Variants in IL23A observed in about 807,000 individuals in gnomAD.
IL23A encodes the protein interleukin 23 subunit alpha.
A neutral mutation model predicts 20.7 loss-of-function variants in IL23A; 16 were observed. That is an observed-to-expected ratio of 0.77 (90% CI 0.52 to 1.17). The LOEUF is 1.17. Among genes scored for constraint, IL23A ranks in the 50% most tolerant of loss-of-function variants. IL23A has a pLI of 0.00. For synonymous variants in IL23A, 80 were observed against 88.7 expected (o/e 0.90, Z 0.55); for missense variants, 175 against 229.5 (o/e 0.76, Z 1.53).
Position 56,339,175 on chromosome 12 carries a change from C to G in IL23A, c.131C>G (p.Ala44Gly). The change falls in exon 1 of 4, where the codon GCC becomes GGC. Residue 44 changes from alanine to glycine, a missense_variant. By Grantham distance (60) the Ala-to-Gly change is moderately conservative (BLOSUM62 0). Transcript: ENST00000228534. ...QQLSQKLCTLAWSAHPLVGHM... is the reference protein window; with the variant it reads ...QQLSQKLCTLGWSAHPLVGHM... ...CTTTCACAGAAGCTCTGCACACTGG[C>G]CTGGAGTGCACATCCACTAGTGGGA... 6.4e-7 allele frequency: 1 copy of G among 1,557,544 alleles called. No individual in the cohort carries two copies. The highest frequency in any genetic ancestry group is 8.7e-7 in the Non-Finnish European group (1 of 1,151,382).
Position 56,340,178 on chromosome 12 carries a change from C to G in IL23A, c.*74C>G, listed in dbSNP as rs1028276346. The G allele has an allele frequency of 9.4e-6, 14 of 1,488,786 alleles. No individual in the cohort carries two copies. The African/African-American group carries it at 2.0e-4, about 21-fold the overall frequency. 92.2% of individuals were successfully genotyped at this position (1,488,786 alleles called of 1,614,324 possible). A position where few individuals can be genotyped will look rare whatever the true frequency, so the allele number is the denominator to read the frequency against. ...CAAGATAAATCTACCACCCCAGGCA[C>G]CTGTGAGCCAACAGGTTAATTAGTC... On this transcript the variant is annotated 3_prime_UTR_variant, in exon 4 of 4. Transcript: ENST00000228534.
rs1592457524 is a variant in IL23A, at chr12:56,340,222, C to T, written c.*118C>T. 2.0e-6 allele frequency: 2 copies of T among 1,003,806 alleles called. No individual in the cohort carries two copies. Among genetic ancestry groups the T allele is most frequent in the Non-Finnish European group, 1.5e-6 (1 of 688,540 alleles). The allele number at this position is 1,003,806 out of a possible 1,614,324, so 62.2% of individuals were successfully genotyped here. A position where few individuals can be genotyped will look rare whatever the true frequency, so the allele number is the denominator to read the frequency against. ...ATTAGTCCATTAATTTTAGTGGGACCTGCATATGTTGAAAATTACCAATAC... is the reference window on the plus strand; with the variant it reads ...ATTAGTCCATTAATTTTAGTGGGACTTGCATATGTTGAAAATTACCAATAC... On this transcript the variant is annotated 3_prime_UTR_variant, in exon 4 of 4. Transcript: ENST00000228534.
chr12:56,339,819 C>T lies in IL23A; in HGVS notation c.390C>T (p.Gly130=). 1.9e-6 allele frequency: 3 copies of T among 1,613,060 alleles called. No individual in the cohort carries two copies. The highest frequency in any genetic ancestry group is 2.5e-6 in the Non-Finnish European group (3 of 1,179,514). The change falls in exon 3 of 4, where the codon GGC becomes GGT. Residue 130 remains glycine, a synonymous_variant. Coordinates refer to ENST00000228534, the MANE Select transcript of IL23A (RefSeq NM_016584.3). ...GCCAGCTTCATGCCTCCCTACTGGGCCTCAGCCAACTCCTGCAGGTATGAA... is the reference window on the plus strand; with the variant it reads ...GCCAGCTTCATGCCTCCCTACTGGGTCTCAGCCAACTCCTGCAGGTATGAA... ...PVGQLHASLL[G]LSQLLQPEGH... is the part of the protein sequence containing the mutation.
Position 56,340,186 on chromosome 12 carries a change from C to A in IL23A, c.*82C>A. ...ATCTACCACCCCAGGCACCTGTGAG[C>A]CAACAGGTTAATTAGTCCATTAATT... On this transcript the variant is annotated 3_prime_UTR_variant, in exon 4 of 4. Coordinates refer to ENST00000228534, the MANE Select transcript of IL23A (RefSeq NM_016584.3). 1 of 1,423,742 alleles carries A rather than the reference C, an allele frequency of 7.0e-7. No homozygotes were observed. The highest frequency in any genetic ancestry group is 9.6e-7 in the Non-Finnish European group (1 of 1,040,814). The allele number at this position is 1,423,742 out of a possible 1,614,324, so 88.2% of individuals were successfully genotyped here.
chr12:56,339,070 TG>T lies in IL23A; in HGVS notation c.27del (p.Leu10CysfsTer41). Reference sequence around the variant, plus strand: ...ATGCTGGGGAGCAGAGCTGTAATGCTGCTGTTGCTGCTGCCCTGGACAGCTC... The same window carrying T: ...ATGCTGGGGAGCAGAGCTGTAATGCTCTGTTGCTGCTGCCCTGGACAGCTC... MLGSRAVM[L>X]LLLLPWTAQG... On this transcript the variant is annotated frameshift_variant, in exon 1 of 4. Transcript: ENST00000228534. LOFTEE classifies it high-confidence loss of function. 6.9e-7 allele frequency: 1 copy of T among 1,443,604 alleles called. No homozygotes were observed. The highest frequency in any genetic ancestry group is 9.2e-7 in the Non-Finnish European group (1 of 1,090,410). The allele number at this position is 1,443,604 out of a possible 1,614,324, so 89.4% of individuals were successfully genotyped here. A position where few individuals can be genotyped will look rare whatever the true frequency, so the allele number is the denominator to read the frequency against.
Position 56,339,877 on chromosome 12 carries a change from TCAGAGA to T in IL23A, c.408+46_408+51del, listed in dbSNP as rs1166056458. The T allele has an allele frequency of 2.5e-6, 4 of 1,609,746 alleles. No individual in the cohort carries two copies. The South Asian group carries it at 4.4e-5, about 18-fold the overall frequency. ...CGTGGAGGATGGGGGCTTGCAGGTG[TCAGAGA>T]CAGAGGGTTGGGGGTTAAGGGTTTA... On this transcript the variant is annotated intron_variant, in intron 3 of 3. Transcript: ENST00000228534.
At position 56,340,043 on chromosome 12, in the gene IL23A, A is replaced by G. The variant is rs201649545; in HGVS notation, c.509A>G (p.Gln170Arg). The G allele has an allele frequency of 5.6e-6, 9 of 1,614,228 alleles. No homozygotes were observed. The highest frequency in any genetic ancestry group is 7.6e-6 in the Non-Finnish European group (9 of 1,180,038). Residue 170 changes from glutamine (Q) to arginine (R), a missense_variant, in exon 4 of 4, where the codon CAG (glutamine) becomes CGG (arginine). Transcript: ENST00000228534. ...LLRFKILRSL[Q>R]AFVAVAARVF... ...CGCTTCAAAATCCTTCGCAGCCTCC[A>G]GGCCTTTGTGGCTGTAGCCGCCCGG... is the stretch of plus-strand genomic sequence containing the variant.
intron 1 of IL23A, 105 bp downstream of exon 1, chr12:56,339,311 G>A: frequency 7.1e-7 from 1 of 1,400,638 alleles, no homozygotes; most frequent in Non-Finnish European, 9.9e-7. Context: ...CCATTAGGGA[G>A]TAAGAGAGGA....
chr12:56,339,158 G>C lies in IL23A; in HGVS notation c.114G>C (p.Gln38His). ...PAWTQCQQLS[Q>H]KLCTLAWSAH... Reference sequence around the variant, plus strand: ...GGACTCAGTGCCAGCAGCTTTCACAGAAGCTCTGCACACTGGCCTGGAGTG... The same window carrying C: ...GGACTCAGTGCCAGCAGCTTTCACACAAGCTCTGCACACTGGCCTGGAGTG... The change falls in exon 1 of 4, where the codon CAG becomes CAC. Residue 38 changes from glutamine (Q) to histidine (H), a missense_variant. Transcript: ENST00000228534. 6.3e-7 allele frequency: 1 copy of C among 1,581,640 alleles called. No individual in the cohort carries two copies. Among genetic ancestry groups the C allele is most frequent in the South Asian group, 1.1e-5 (1 of 87,364 alleles).
At position 56,339,013 on chromosome 12, in the gene IL23A, G is replaced by A. The variant is rs754186812; in HGVS notation, c.-32G>A. 7.3e-7 allele frequency: 1 copy of A among 1,364,826 alleles called. No individual in the cohort carries two copies. The highest frequency in any genetic ancestry group is 9.5e-7 in the Non-Finnish European group (1 of 1,049,054). 84.5% of individuals were successfully genotyped at this position (1,364,826 alleles called of 1,614,324 possible). ...TCCACCAGGACTGGTGCAAGGCGCA[G>A]AGCCAGCCAGATTTGAGAAGAAGGC... is the stretch of plus-strand genomic sequence containing the variant. On this transcript the variant is annotated 5_prime_UTR_variant, in exon 1 of 4. Coordinates refer to ENST00000228534, the MANE Select transcript of IL23A (RefSeq NM_016584.3).
intron 1 of IL23A, 37 bp downstream of exon 1, chr12:56,339,243 G>A (rs1876399077): frequency 3.9e-6 from 6 of 1,530,414 alleles, no homozygotes; most frequent in East Asian, 2.3e-5. Context: ...AGGAGTCCAG[G>A]CTCTCCAAGG....
At chr12:56,339,612 A>T in intron 2 of IL23A, 79 bp from the exon 3 acceptor site, 1 of 1,602,484 alleles carries the variant, frequency 6.2e-7, no homozygotes. Context: ...GTGTCTGAAA[A>T]TAGTAAGAAA....
Position 56,338,931 on chromosome 12 carries a change from C to T in IL23A, c.-114C>T, listed in dbSNP as rs1397621411. 1 of 879,664 alleles carries T rather than the reference C, an allele frequency of 1.1e-6. No individual in the cohort carries two copies. The highest frequency in any genetic ancestry group is 1.5e-6 in the Non-Finnish European group (1 of 646,376). The allele number at this position is 879,664 out of a possible 1,614,324, so 54.5% of individuals were successfully genotyped here. A position where few individuals can be genotyped will look rare whatever the true frequency, so the allele number is the denominator to read the frequency against. ...CGGTGAACAACTGAGGGAACCAAACCAGAGACGCGCTGAACAGAGAGAATC... is the reference window on the plus strand; with the variant it reads ...CGGTGAACAACTGAGGGAACCAAACTAGAGACGCGCTGAACAGAGAGAATC... On this transcript the variant is annotated 5_prime_UTR_variant, in exon 1 of 4. Transcript: ENST00000228534.
rs767279694 is a variant in IL23A, at chr12:56,340,025, A to G, written c.491A>G (p.Lys164Arg). ...QPWQRLLLRF[K>R]ILRSLQAFVA... ...TGGCAGCGTCTCCTTCTCCGCTTCAAAATCCTTCGCAGCCTCCAGGCCTTT... is the reference window on the plus strand; with the variant it reads ...TGGCAGCGTCTCCTTCTCCGCTTCAGAATCCTTCGCAGCCTCCAGGCCTTT... Residue 164 changes from lysine to arginine, a missense_variant, in exon 4 of 4, where the codon AAA (lysine) becomes AGA (arginine). By Grantham distance (26) the Lys-to-Arg change is conservative. Transcript: ENST00000228534. 5.0e-6 allele frequency: 8 copies of G among 1,614,212 alleles called. No individual in the cohort carries two copies. The East Asian group carries it at 6.7e-5, about 13-fold the overall frequency.
Position 56,339,446 on chromosome 12 carries a change from T to G in IL23A, c.183T>G (p.Asp61Glu), listed in dbSNP as rs778563353. The G allele has an allele frequency of 6.2e-7, 1 of 1,610,862 alleles. No individual in the cohort carries two copies. Among genetic ancestry groups the G allele is most frequent in the East Asian group, 2.2e-5 (1 of 44,868 alleles). ...VGHMDLREEG[D>E]EETTNDVPHI... ...TCCAGGATCTAAGAGAAGAGGGAGA[T>G]GAAGAGACTACAAATGATGTTCCCC... Residue 61 changes from aspartate to glutamate, a missense_variant, in exon 2 of 4, where the codon GAT becomes GAG. By Grantham distance (45) the Asp-to-Glu change is conservative (BLOSUM62 2). Transcript: ENST00000228534.
At position 56,339,130 on chromosome 12, in the gene IL23A, C is replaced by T; in HGVS notation, c.86C>T (p.Ala29Val). Residue 29 changes from alanine (A) to valine (V), a missense_variant, in exon 1 of 4, where the codon GCC becomes GTC. Physicochemically the swap from Ala to Val is moderately conservative, Grantham distance 64. Transcript: ENST00000228534. The part of the protein sequence containing the change: ...GRAVPGGSSP[A>V]WTQCQQLSQK... The stretch of plus-strand genomic sequence containing the variant: ...GCTGTGCCTGGGGGCAGCAGCCCTG[C>T]CTGGACTCAGTGCCAGCAGCTTTCA... The T allele has an allele frequency of 6.3e-7, 1 of 1,587,468 alleles. No individual in the cohort carries two copies. The highest frequency in any genetic ancestry group is 8.6e-7 in the Non-Finnish European group (1 of 1,163,208).
chr12:56,339,405 C>A, intron 1 of IL23A, 21 bp from the exon 2 acceptor site: 1 of 1,552,640 alleles, frequency 6.4e-7, no homozygotes, highest in South Asian at 1.1e-5. Context: ...TTCATTCTTT[C>A]CACCTCTTCC....
At chr12:56,339,398 A>G (rs975654194) in intron 1 of IL23A, 28 bp from the exon 2 acceptor site, 2 of 1,544,662 alleles carry the variant, frequency 1.3e-6, no homozygotes, top group African/African-American at 2.7e-5. Context: ...TTACTTCTTC[A>G]TTCTTTCCAC....
Position 56,340,320 on chromosome 12 carries a change from T to C in IL23A, c.*216T>C, listed in dbSNP as rs1193549232. 3.7e-6 allele frequency: 2 copies of C among 543,780 alleles called. No homozygotes were observed. The highest frequency in any genetic ancestry group is 1.9e-5 in the African/African-American group (1 of 52,382). The allele number at this position is 543,780 out of a possible 1,614,324, so 33.7% of individuals were successfully genotyped here. On this transcript the variant is annotated 3_prime_UTR_variant, in exon 4 of 4. Transcript: ENST00000228534. Reference sequence around the variant, plus strand: ...ATGGGAAGGGAAATTTGGGGATTATTTATCCTCCTGGGGACAGTTTGGGGA... The same window carrying C: ...ATGGGAAGGGAAATTTGGGGATTATCTATCCTCCTGGGGACAGTTTGGGGA...
Sources: allele counts gnomAD v4.1 joint callset, GRCh38; gene constraint gnomAD v4.1.1; transcripts MANE v1.5; gene names NCBI Gene and HGNC (gene_info 2026-07-23, HGNC 2026-07-21).